Variants in JAG2 observed in about 807,000 individuals in gnomAD.
JAG2 encodes the protein jagged canonical Notch ligand 2.
Under a neutral mutation model 141.7 loss-of-function variants are expected in JAG2, and 46 were observed. The ratio of observed to expected loss-of-function variants is 0.32; its 90% CI spans 0.26 to 0.42. The LOEUF is 0.42. JAG2 is among the 10% of genes least tolerant of loss of function. JAG2 has a pLI of 1.00. For missense variants in JAG2, 1,500 were observed against 1,817.5 expected (o/e 0.83, Z 3.18); for synonymous variants, 862 against 763.5 (o/e 1.13, Z -2.13).
At chr14:105,146,793 G>A in intron 20 of JAG2, 69 bp from the exon 21 acceptor site, 2 of 1,268,832 alleles carry the variant, frequency 1.6e-6, no homozygotes, top group South Asian at 2.5e-5. Context: ...CATGGCCTAG[G>A]GCAGCGGGGA....
At chr14:105,146,078 G>A (rs1888214351) in intron 22 of JAG2, 105 bp from the exon 23 acceptor site, 2 of 1,510,832 alleles carry the variant, frequency 1.3e-6, no homozygotes, top group African/African-American at 1.4e-5. Flanking sequence ...TGCCAAGGAG[G>A]GACACCGCCC....
rs1430759497 is a variant in JAG2, at chr14:105,151,453, C to T, written c.1154-57G>A. On this transcript the variant is annotated intron_variant, in intron 8 of 25. Transcript: ENST00000331782. Reference sequence around the variant, plus strand: ...CAGTGTGAGCCGTGGGAATAAGGTCCCCATGGGCAGGTGGCGCTGCAAGCC... The same window carrying T: ...CAGTGTGAGCCGTGGGAATAAGGTCTCCATGGGCAGGTGGCGCTGCAAGCC... 6 of 1,520,856 alleles carry T rather than the reference C, an allele frequency of 3.9e-6. No individual in the cohort carries two copies. In the African/African-American group the frequency reaches 6.8e-5, roughly 17 times the overall value. 94.2% of individuals were successfully genotyped at this position (1,520,856 alleles called of 1,614,324 possible).
chr14:105,146,388 G>A lies in JAG2; in HGVS notation c.2706C>T (p.Ser902=), dbSNP rs750851577. Reference sequence around the variant, plus strand: ...GCGGCTCACGGGCTGCCCTCACCTTGCTGCAGTCACGGCGGCCATCCAGGC... The same window carrying A: ...GCGGCTCACGGGCTGCCCTCACCTTACTGCAGTCACGGCGGCCATCCAGGC... The part of the protein sequence containing the change: ...CRCLDGRRDC[S]KVWCGWKPCL... The change falls in exon 22 of 26, where the codon AGC becomes AGT. Residue 902 remains serine (S), a synonymous_variant. Transcript: ENST00000331782. 6.2e-7 allele frequency: 1 copy of A among 1,611,996 alleles called. No individual in the cohort carries two copies. Among genetic ancestry groups the A allele is most frequent in the Non-Finnish European group, 8.5e-7 (1 of 1,179,436 alleles).
chr14:105,163,705 C>G (rs1888826685), intron 2 of JAG2, among the ~76,000 whole-genome samples: 2 of 151,604 alleles, frequency 1.3e-5, no homozygotes, highest in East Asian at 1.9e-4. Flanking sequence ...GGACAGGGAC[C>G]CTGCTTAGGC....
At position 105,150,457 on chromosome 14, in the gene JAG2, A is replaced by G. The variant is rs900389348; in HGVS notation, c.1602+147T>C. 4 of 802,456 alleles carry G rather than the reference A, an allele frequency of 5.0e-6. No homozygotes were observed. The African/African-American group carries it at 6.9e-5, about 14-fold the overall frequency. 49.7% of individuals were successfully genotyped at this position (802,456 alleles called of 1,614,324 possible). The stretch of plus-strand genomic sequence containing the variant: ...TGACAGCCCCGCCTGCCCACCTGGC[A>G]CCCAGTGGAGAGCTGAGCCTGGGAC... On this transcript the variant is annotated intron_variant, in intron 12 of 25. Transcript: ENST00000331782.
Position 105,142,661 on chromosome 14 carries a change from G to C in JAG2, c.*34C>G, listed in dbSNP as rs757428833. The C allele has an allele frequency of 5.2e-6, 8 of 1,527,282 alleles. No individual in the cohort carries two copies. The highest frequency in any genetic ancestry group is 7.1e-6 in the Non-Finnish European group (8 of 1,122,256). The allele number at this position is 1,527,282 out of a possible 1,614,324, so 94.6% of individuals were successfully genotyped here. A position where few individuals can be genotyped will look rare whatever the true frequency, so the allele number is the denominator to read the frequency against. On this transcript the variant is annotated 3_prime_UTR_variant, in exon 26 of 26. Coordinates refer to ENST00000331782, the MANE Select transcript of JAG2 (RefSeq NM_002226.5). ...CGGCAGACGGCATGGCTCCCACCGA[G>C]GGCCCTGGGTCCCGGCCCAGCTGGC...
chr14:105,148,472 G>C (rs587609582), intron 15 of JAG2, 33 bp from the exon 16 acceptor site: 1 of 1,531,878 alleles, frequency 6.5e-7, no homozygotes, highest in African/African-American at 1.4e-5. Flanking sequence ...GCGGGCGGGG[G>C]GTCACCGGCG....
Position 105,152,031 on chromosome 14 carries a change from G to T in JAG2, c.946C>A (p.Pro316Thr). The change falls in exon 7 of 26, where the codon CCC becomes ACC. Residue 316 changes from proline to threonine, a missense_variant. Physicochemically the swap from Pro to Thr is conservative, Grantham distance 38. Coordinates refer to ENST00000331782, the MANE Select transcript of JAG2 (RefSeq NM_002226.5). ...KDLNYCGSHH[P>T]CTNGGTCINA... The stretch of plus-strand genomic sequence containing the variant: ...ATGCACGTGCCTCCGTTGGTGCAGG[G>T]GTGGTGGCTGCCACAGTAGTTCAGG... The T allele has an allele frequency of 6.2e-7, 1 of 1,613,326 alleles. No individual in the cohort carries two copies. Among genetic ancestry groups the T allele is most frequent in the Non-Finnish European group, 8.5e-7 (1 of 1,179,948 alleles).
chr14:105,146,115 C>T (rs1279146162), intron 22 of JAG2, 142 bp from the exon 23 acceptor site: 2 of 1,385,380 alleles, frequency 1.4e-6, no homozygotes, highest in Admixed American at 2.0e-5. Flanking sequence ...GGGCCCAGCC[C>T]ACCCCCTACC....
Position 105,153,039 on chromosome 14 carries a change from G to T in JAG2, c.789-748C>A, listed in dbSNP as rs114720523. On this transcript the variant is annotated intron_variant, in intron 5 of 25. Transcript: ENST00000331782. Reference sequence around the variant, plus strand: ...TTGAGGGTGCCTCCGTCAGGGGAGAGAGCCTGCAACGACCCCAAGGCTCAG... The same window carrying T: ...TTGAGGGTGCCTCCGTCAGGGGAGATAGCCTGCAACGACCCCAAGGCTCAG... Among the ~76,000 whole-genome samples, 43 of 151,574 alleles carry T rather than the reference G, an allele frequency of 2.8e-4. 1 individual carries two copies. The highest frequency in any genetic ancestry group is 1.0e-3 in the African/African-American group (42 of 41,344).
rs776282805 is a variant in JAG2, at chr14:105,167,851, G to A, written c.323C>T (p.Ala108Val). Reference protein sequence around the residue: ...LGGNSFYLPPAGAAGDRARAR... With the variant: ...LGGNSFYLPPVGAAGDRARAR... ...CCGCGCTCGGTCCCCCGCAGCGCCCGCCGGCGGCAGGTAGAAGGAGTTGCC... is the reference window on the plus strand; with the variant it reads ...CCGCGCTCGGTCCCCCGCAGCGCCCACCGGCGGCAGGTAGAAGGAGTTGCC... The change falls in exon 2 of 26, where the codon GCG becomes GTG. Residue 108 changes from alanine to valine, a missense_variant. By Grantham distance (64) the Ala-to-Val change is moderately conservative. Coordinates refer to ENST00000331782, the MANE Select transcript of JAG2 (RefSeq NM_002226.5). The surrounding 1 kb of genome is among the most constrained non-coding windows in gnomAD (Gnocchi z 4.8). The A allele has an allele frequency of 1.2e-5, 19 of 1,529,576 alleles. No individual in the cohort carries two copies. In the South Asian group the frequency reaches 2.0e-4, roughly 16 times the overall value. 94.8% of individuals were successfully genotyped at this position (1,529,576 alleles called of 1,614,324 possible).
Position 105,168,533 on chromosome 14 carries a change from G to A in JAG2, c.-113C>T. 6.2e-6 allele frequency: 1 copy of A among 161,148 alleles called. No individual in the cohort carries two copies. Among genetic ancestry groups the A allele is most frequent in the Non-Finnish European group, 1.2e-5 (1 of 80,176 alleles). 10.0% of individuals were successfully genotyped at this position (161,148 alleles called of 1,614,324 possible). On this transcript the variant is annotated 5_prime_UTR_variant, in exon 1 of 26. Transcript: ENST00000331782. ...CCTCCGAGCGCCCGCAGAGGCAGCG[G>A]CAGCGGCAGAGGCGGCGGCGGCGGC...
intron 2 of JAG2, among the ~76,000 whole-genome samples, chr14:105,161,742 T>G (rs999808968): frequency 1.3e-5 from 2 of 151,992 alleles, no homozygotes; most frequent in African/African-American, 4.8e-5. Flanking sequence ...AATAACAACC[T>G]CTCACCCCCG....
rs1430552781 is a variant in JAG2, at chr14:105,146,408, C to A, written c.2686G>T (p.Asp896Tyr). The A allele has an allele frequency of 6.2e-7, 1 of 1,612,678 alleles. No homozygotes were observed. The change falls in exon 22 of 26, where the codon GAT (aspartate) becomes TAT (tyrosine). Residue 896 changes from aspartate to tyrosine, a missense_variant. By Grantham distance (160) the Asp-to-Tyr change is radical. Transcript: ENST00000331782. ...VEDCNSCRCL[D>Y]GRRDCSKVWC... Reference sequence around the variant, plus strand: ...ACCTTGCTGCAGTCACGGCGGCCATCCAGGCAGCGGCAGCTGTTGCAGTCT... The same window carrying A: ...ACCTTGCTGCAGTCACGGCGGCCATACAGGCAGCGGCAGCTGTTGCAGTCT...
chr14:105,166,336 T>C (rs898580253), intron 2 of JAG2, among the ~76,000 whole-genome samples: 7 of 152,258 alleles, frequency 4.6e-5, no homozygotes, highest in Admixed American at 1.3e-4. Flanking sequence ...CAGGTAGCGA[T>C]GTGGGGCCAC....
intron 2 of JAG2, among the ~76,000 whole-genome samples, chr14:105,165,609 C>A (rs1022817891): frequency 6.6e-6 from 1 of 152,190 alleles, no homozygotes; most frequent in Non-Finnish European, 1.5e-5. Flanking sequence ...AGAAGCCAGG[C>A]CAGGGGGCAG....
rs1888288764 is a variant in JAG2, at chr14:105,148,154, G to A, written c.2210C>T (p.Ala737Val). ...CYDSGDTFRC[A>V]CPPGWKGSTC... ...GCTGCCCTTCCAGCCGGGGGGGCAGGCGCAGCGGAAGGTGTCGCCGCTGTC... is the reference window on the plus strand; with the variant it reads ...GCTGCCCTTCCAGCCGGGGGGGCAGACGCAGCGGAAGGTGTCGCCGCTGTC... The change falls in exon 17 of 26, where the codon GCC becomes GTC. Residue 737 changes from alanine to valine, a missense_variant. This residue lies in a region of JAG2 where 875 missense variants were observed against 1,202.2 expected (regional missense o/e 0.73). Coordinates refer to ENST00000331782, the MANE Select transcript of JAG2 (RefSeq NM_002226.5). 6.5e-7 allele frequency: 1 copy of A among 1,550,218 alleles called. No homozygotes were observed. Among genetic ancestry groups the A allele is most frequent in the East Asian group, 2.4e-5 (1 of 41,018 alleles).
rs747444035 is a variant in JAG2 at position 105,143,062 on chromosome 14, C to T, written c.3350G>A (p.Arg1117Gln). 11 of 1,602,176 alleles carry T rather than the reference C, an allele frequency of 6.9e-6. 1 individual carries two copies. The highest frequency in any genetic ancestry group is 3.3e-4 in the Middle Eastern group (2 of 6,058). Residue 1117 changes from arginine (R) to glutamine (Q), a missense_variant, in exon 26 of 26, where the codon CGG (arginine) becomes CAG (glutamine). Around this residue, in one of 3 missense-constraint regions of JAG2, gnomAD observed 425 missense variants for 441.0 expected, o/e 0.96. Coordinates refer to ENST00000331782, the MANE Select transcript of JAG2 (RefSeq NM_002226.5). ...GTTGGCGCTCTCCTCCCGCGGCAGC[C>T]GGCTCCTCTCCCGCTCTTTCCTGCG... Reference protein sequence around the residue: ...RKRRKERERSRLPREESANNQ... With the variant: ...RKRRKERERSQLPREESANNQ...
In JAG2 at chr14:105,149,396, C is replaced by T. The variant is rs587636118; in HGVS notation, c.1603-76G>A. 7.2e-5 allele frequency: 114 copies of T among 1,591,630 alleles called. 3 individuals carry two copies. In the South Asian group the frequency reaches 8.3e-4, roughly 12 times the overall value. ...AACACAGGCCAGGCCTCTGTCCATA[C>T]GAAGGTAGATCCCTGGGGACCCCCA... On this transcript the variant is annotated intron_variant, in intron 12 of 25. Transcript: ENST00000331782.
Sources: gnomAD v4.1 joint callset for allele counts (sites outside exome capture counted in the v4.1 genomes callset) on GRCh38, gnomAD v4.1.1 for gene constraint, gnomAD v4.1.1 regional missense constraint, Gnocchi (gnomAD v3.1) non-coding constraint, MANE v1.5 for transcripts, NCBI Gene and HGNC (gene_info 2026-07-23, HGNC 2026-07-21) for gene names.